DCC: variants seen among roughly 807,000 people sequenced by gnomAD.
The protein encoded by DCC is netrin receptor DCC.
Under a neutral mutation model 172.5 loss-of-function variants are expected in DCC, and 58 were observed. The observed-to-expected ratio is 0.34, with a 90% CI of 0.27 to 0.42. DCC has a LOEUF of 0.42. Ranked by LOEUF, DCC falls within the 10% of genes least tolerant of loss-of-function variation. The pLI, the probability that DCC is intolerant of heterozygous loss-of-function variation, is 1.00. For missense variants in DCC, 1,740 were observed against 1,791.0 expected (o/e 0.97, Z 0.51); for synonymous variants, 709 against 644.5 (o/e 1.10, Z -1.52).
At position 52,390,507 on chromosome 18, in the gene DCC, C is replaced by T. The variant is rs182366342; in HGVS notation, c.91+49629C>T. On this transcript the variant is annotated intron_variant, in intron 1 of 28. Coordinates refer to ENST00000442544, the MANE Select transcript of DCC (RefSeq NM_005215.4). ...ATAAATTTAAAAATAAAGAAGTTTG[C>T]ATCATTTATTTTAAATTTGTGGGTA... is the stretch of plus-strand genomic sequence containing the variant. Among the ~76,000 whole-genome samples, 8 of 152,176 alleles carry T rather than the reference C, an allele frequency of 5.3e-5. No individual in the cohort carries two copies. The East Asian group carries it at 1.2e-3, about 22-fold the overall frequency.
chr18:52,787,859 T>C (rs538459835), intron 2 of DCC, among the ~76,000 whole-genome samples: 40 of 152,216 alleles, frequency 2.6e-4, no homozygotes, highest in African/African-American at 9.6e-4. Flanking sequence ...TGCATGAAAA[T>C]CCTGTTAAAA....
intron 2 of DCC, among the ~76,000 whole-genome samples, chr18:52,869,833 A>G (rs2039288920): frequency 6.6e-6 from 1 of 151,590 alleles, no homozygotes; most frequent in South Asian, 2.1e-4. Flanking sequence ...GCCAGGAGCT[A>G]GGAGAGGCCA....
chr18:53,494,941 G>A (rs1345914771), intron 26 of DCC, among the ~76,000 whole-genome samples: 9 of 152,124 alleles, frequency 5.9e-5, no homozygotes, highest in East Asian at 3.8e-4. Flanking sequence ...GGCTAGTACC[G>A]GTTGTTCCTT....
Position 53,322,048 on chromosome 18 carries a change from A to C in DCC, c.2055A>C (p.Gly685=). Residue 685 remains glycine (G), a splice_region_variant and synonymous_variant, in exon 14 of 29, where the codon GGA becomes GGC. Coordinates refer to ENST00000442544, the MANE Select transcript of DCC (RefSeq NM_005215.4). ...EPNNLWYLFT[G]LEKGSQYSFQ... is the part of the protein sequence containing the mutation. The stretch of plus-strand genomic sequence containing the variant: ...CCCCTGTGGAAAATTCTTTCATAGG[A>C]CTGGAGAAAGGAAGTCAGTACAGTT... 2 of 1,575,528 alleles carry C rather than the reference A, an allele frequency of 1.3e-6. No individual in the cohort carries two copies.
At chr18:53,427,942 ATT>A (rs1185308963) in intron 21 of DCC, among the ~76,000 whole-genome samples, 46 of 54,044 alleles carry the variant, frequency 8.5e-4, no homozygotes, top group Non-Finnish European at 1.4e-3. Flanking sequence ...AATATAATAT[ATT>A]ATAATATATA....
chr18:52,909,942 G>T (rs1290745139), intron 3 of DCC, among the ~76,000 whole-genome samples: 3 of 152,134 alleles, frequency 2.0e-5, no homozygotes, highest in Non-Finnish European at 2.9e-5. Context: ...CATGGAAAAA[G>T]AGCAGCACGT....
Position 52,663,412 on chromosome 18 carries a change from C to G in DCC, c.92-88642C>G, listed in dbSNP as rs546064906. Among the ~76,000 whole-genome samples the G allele has an allele frequency of 5.9e-5, 9 of 152,146 alleles. No individual in the cohort carries two copies. The South Asian group carries it at 8.3e-4, about 14-fold the overall frequency. On this transcript the variant is annotated intron_variant, in intron 1 of 28. Transcript: ENST00000442544. The stretch of plus-strand genomic sequence containing the variant: ...AGCTGAGTGGCAGTTTGCTGAGTTT[C>G]GAGTGGACTAGTAGTGGCTCCAGGA...
chr18:53,118,258 C>G (rs895448313), intron 7 of DCC, among the ~76,000 whole-genome samples: 2 of 151,736 alleles, frequency 1.3e-5, no homozygotes, highest in Non-Finnish European at 2.9e-5. Flanking sequence ...ATCTTCCAAA[C>G]CACTGTGTAT....
At chr18:53,191,807 T>A (rs1028340669) in intron 9 of DCC, among the ~76,000 whole-genome samples, 20 of 152,232 alleles carry the variant, frequency 1.3e-4, no homozygotes, top group African/African-American at 4.8e-4. Flanking sequence ...CAGTCATTTT[T>A]TTTTTCCTGT....
intron 19 of DCC, among the ~76,000 whole-genome samples, chr18:53,403,983 G>A (rs1008787416): frequency 4.6e-5 from 7 of 152,186 alleles, no homozygotes; most frequent in African/African-American, 1.7e-4. Context: ...GGAAAAAGAA[G>A]TGAGGCACAA....
intron 2 of DCC, among the ~76,000 whole-genome samples, chr18:52,901,454 A>AATAC (rs989160153): frequency 6.6e-6 from 1 of 152,114 alleles, no homozygotes; most frequent in Non-Finnish European, 1.5e-5. Flanking sequence ...TAAATAAATA[A>AATAC]ATAAAAATAA....
intron 1 of DCC, among the ~76,000 whole-genome samples, chr18:52,717,494 C>T (rs2036403414): frequency 6.7e-6 from 1 of 149,840 alleles, no homozygotes; most frequent in Non-Finnish European, 1.5e-5. Context: ...CTACCCCCAG[C>T]CCAGTGTTCA....
intron 1 of DCC, among the ~76,000 whole-genome samples, chr18:52,709,217 T>C (rs1412322786): frequency 6.6e-6 from 1 of 152,212 alleles, no homozygotes; most frequent in African/African-American, 2.4e-5. Context: ...ATGCTGGGAC[T>C]ATTAAAATGT....
chr18:52,434,982 A>G (rs977571679), intron 1 of DCC, among the ~76,000 whole-genome samples: 1 of 152,206 alleles, frequency 6.6e-6, no homozygotes, highest in African/African-American at 2.4e-5. Flanking sequence ...GAGTAATCAT[A>G]GTGCCTCACT....
intron 18 of DCC, among the ~76,000 whole-genome samples, chr18:53,399,512 A>G (rs139211514): frequency 1.3e-5 from 2 of 152,148 alleles, no homozygotes; most frequent in Non-Finnish European, 2.9e-5. Flanking sequence ...CAAATGCCCA[A>G]TACAATTCCT....
At chr18:52,677,868 A>G (rs770749354) in intron 1 of DCC, among the ~76,000 whole-genome samples, 7 of 152,166 alleles carry the variant, frequency 4.6e-5, no homozygotes, top group Non-Finnish European at 5.9e-5. Context: ...TTTTTCTTCT[A>G]CAACTTGTAG....
At chr18:52,544,961 G>T (rs555021793) in intron 1 of DCC, among the ~76,000 whole-genome samples, 1 of 152,190 alleles carries the variant, frequency 6.6e-6, no homozygotes, top group Admixed American at 6.5e-5. Flanking sequence ...AATTGCCACT[G>T]CAGCTCAGCT....
At chr18:53,332,711 G>C (rs879613377) in intron 14 of DCC, among the ~76,000 whole-genome samples, 1 of 152,090 alleles carries the variant, frequency 6.6e-6, no homozygotes, top group Non-Finnish European at 1.5e-5. Context: ...TAAAGGGGCA[G>C]CCTAAGGAAA....
intron 5 of DCC, among the ~76,000 whole-genome samples, chr18:53,003,167 T>A (rs1482219944): frequency 6.6e-6 from 1 of 152,132 alleles, no homozygotes; most frequent in Non-Finnish European, 1.5e-5. Context: ...CTCTCCAGTG[T>A]CTCTTCTTCC....
Sources: gnomAD v4.1 joint callset for allele counts (sites outside exome capture counted in the v4.1 genomes callset) on GRCh38, gnomAD v4.1.1 for gene constraint, MANE v1.5 for transcripts, NCBI Gene and HGNC (gene_info 2026-07-23, HGNC 2026-07-21) for gene names.